The following MARCHF1 variants were observed in gnomAD, a reference collection of about 807,000 sequenced individuals.
The protein encoded by MARCHF1 is membrane associated ring-CH-type finger 1.
Under a neutral mutation model 54.2 loss-of-function variants are expected in MARCHF1, and 40 were observed. That is an observed-to-expected ratio of 0.74 (90% CI 0.57 to 0.96). The LOEUF (loss-of-function observed/expected upper bound fraction) is 0.96, where lower values mean the gene tolerates loss of function less well. Ranked by LOEUF, MARCHF1 falls within the 40% of genes least tolerant of loss-of-function variation. The probability of loss-of-function intolerance (pLI) is 0.00; values close to 1 mark genes in which losing one functional copy is unlikely to be tolerated. For missense variants in MARCHF1, 586 were observed against 656.5 expected, an observed-to-expected ratio of 0.89 and a Z score of 1.17; for synonymous variants, 236 against 236.3, an observed-to-expected ratio of 1.00 and a Z score of 0.01.
intron 9 of MARCHF1, among the ~76,000 whole-genome samples, chr4:163,535,440 A>C (rs1448298367): frequency 1.3e-5 from 2 of 152,104 alleles, no homozygotes; most frequent in Admixed American, 6.6e-5. Flanking sequence ...ATCTTGACCT[A>C]GTAATCTTTG....
intron 1 of MARCHF1, among the ~76,000 whole-genome samples, chr4:164,148,402 T>C (rs1224247393): frequency 6.6e-6 from 1 of 152,212 alleles, no homozygotes; most frequent in Non-Finnish European, 1.5e-5. Context: ...TTACTGCTAA[T>C]GATGGCCAGC....
chr4:163,948,006 T>C (rs968167630), intron 3 of MARCHF1, among the ~76,000 whole-genome samples: 5 of 152,214 alleles, frequency 3.3e-5, no homozygotes, highest in African/African-American at 1.2e-4. Flanking sequence ...TTTCTCTACT[T>C]TTAATCATCA....
At chr4:163,599,686 A>G (rs1004055719) in intron 7 of MARCHF1, among the ~76,000 whole-genome samples, 4 of 152,080 alleles carry the variant, frequency 2.6e-5, no homozygotes, top group Admixed American at 2.6e-4. Flanking sequence ...TCAGACTCGC[A>G]TGGAGGGTCA....
intron 1 of MARCHF1, among the ~76,000 whole-genome samples, chr4:164,176,978 C>CTATATATATATATA (rs1225209896): frequency 1.0e-4 from 4 of 38,866 alleles, no homozygotes; most frequent in African/African-American, 3.3e-4. Flanking sequence ...CTCTCTCTCT[C>CTATATATATATATA]TCTATATATA....
intron 1 of MARCHF1, among the ~76,000 whole-genome samples, chr4:164,259,501 G>T (rs1263032499): frequency 7.9e-3 from 6 of 764 alleles, no homozygotes; most frequent in Non-Finnish European, 0.012. Flanking sequence ...CTGAGATCAC[G>T]GCTACTGCAC....
chr4:163,654,215 G>A (rs990109733), intron 5 of MARCHF1, among the ~76,000 whole-genome samples: 1 of 151,694 alleles, frequency 6.6e-6, no homozygotes. Flanking sequence ...ATTGAAACAT[G>A]ATGGTAGAAA....
chr4:164,271,722 T>C (rs1733749886), intron 1 of MARCHF1, among the ~76,000 whole-genome samples: 2 of 152,080 alleles, frequency 1.3e-5, no homozygotes, highest in South Asian at 2.1e-4. Flanking sequence ...ACTTAAAACA[T>C]TTAGATTAAA....
chr4:163,740,854 A>G (rs956535370), intron 4 of MARCHF1, among the ~76,000 whole-genome samples: 2 of 152,212 alleles, frequency 1.3e-5, no homozygotes, highest in Non-Finnish European at 2.9e-5. Context: ...CAAAAGATAC[A>G]TAGTGGCAAC....
At chr4:163,869,617 A>G (rs1013282260) in intron 3 of MARCHF1, among the ~76,000 whole-genome samples, 2 of 152,134 alleles carry the variant, frequency 1.3e-5, no homozygotes, top group African/African-American at 2.4e-5. Flanking sequence ...ATGGAAATAG[A>G]AAAATGCTGA....
intron 5 of MARCHF1, among the ~76,000 whole-genome samples, chr4:163,634,770 C>A (rs904950588): frequency 1.4e-5 from 2 of 143,762 alleles, no homozygotes; most frequent in African/African-American, 5.3e-5. Flanking sequence ...ACAGAAGTCT[C>A]CACCCCAAAT....
At chr4:163,822,548 T>G (rs1291666005) in intron 4 of MARCHF1, among the ~76,000 whole-genome samples, 2 of 151,888 alleles carry the variant, frequency 1.3e-5, no homozygotes, top group Non-Finnish European at 2.9e-5. Context: ...TGTTTGATCA[T>G]TCAACATTTG....
intron 5 of MARCHF1, among the ~76,000 whole-genome samples, chr4:163,679,408 G>A (rs1744022980): frequency 6.6e-6 from 1 of 151,986 alleles, no homozygotes; most frequent in Non-Finnish European, 1.5e-5. Flanking sequence ...GCAGCACGTG[G>A]CCCCACATCT....
At chr4:164,222,094 GGA>G in intron 1 of MARCHF1, among the ~76,000 whole-genome samples, 1 of 152,042 alleles carries the variant, frequency 6.6e-6, no homozygotes, top group African/African-American at 2.4e-5. Context: ...AAAGAAGAAT[GGA>G]AATTTTTTCT....
At chr4:163,769,125 GGTAA>G (rs1304446752) in intron 4 of MARCHF1, among the ~76,000 whole-genome samples, 3 of 152,162 alleles carry the variant, frequency 2.0e-5, no homozygotes, top group Non-Finnish European at 4.4e-5. Context: ...TATAGCTATA[GGTAA>G]GTTTCTGTTA....
rs185574772 is a variant in MARCHF1, at chr4:163,777,262, C to A, written c.112-76399G>T. On this transcript the variant is annotated intron_variant, in intron 4 of 9. Coordinates refer to ENST00000514618, the MANE Select transcript of MARCHF1 (RefSeq NM_001394959.1). ...GGGAATTTTCTGAGAATATAAATTC[C>A]ACAAAAAGCTATTTTGCTAATGATG... 3.6e-3 allele frequency among the ~76,000 whole-genome samples: 544 copies of A among 152,166 alleles called. 5 individuals carry two copies. The highest frequency in any genetic ancestry group is 0.012 in the African/African-American group (501 of 41,536).
chr4:163,823,419 C>A (rs1040024368), intron 4 of MARCHF1, among the ~76,000 whole-genome samples: 1 of 151,740 alleles, frequency 6.6e-6, no homozygotes, highest in Admixed American at 6.6e-5. Flanking sequence ...AAACTGTGAT[C>A]AAATCTAATC....
intron 3 of MARCHF1, among the ~76,000 whole-genome samples, chr4:163,919,060 T>C (rs1348239336): frequency 6.6e-6 from 1 of 152,182 alleles, no homozygotes; most frequent in Non-Finnish European, 1.5e-5. Context: ...GTTTCAGTTT[T>C]ATTTATGAAA....
intron 3 of MARCHF1, chr4:163,932,891 C>G (rs1222656688): frequency 3.2e-6 from 2 of 634,128 alleles, no homozygotes; most frequent in East Asian, 3.9e-5. Flanking sequence ...AGGGTGATTA[C>G]TTCCAGTACT....
At chr4:164,000,509 C>T (rs1036214165) in intron 2 of MARCHF1, among the ~76,000 whole-genome samples, 1 of 151,430 alleles carries the variant, frequency 6.6e-6, no homozygotes, top group Non-Finnish European at 1.5e-5. Flanking sequence ...AGAGAAAGCA[C>T]AAGAGAGAGA....
Sources: gnomAD v4.1 joint callset for allele counts (sites outside exome capture counted in the v4.1 genomes callset) on GRCh38, gnomAD v4.1.1 for gene constraint, MANE v1.5 for transcripts, NCBI Gene and HGNC (gene_info 2026-07-23, HGNC 2026-07-21) for gene names.